Variants in CACNA1C observed in about 807,000 individuals in gnomAD.
The protein encoded by CACNA1C is calcium voltage-gated channel subunit alpha1 C.
CACNA1C carries 30 observed loss-of-function variants against 229.0 expected under a neutral mutation model. The ratio of observed to expected loss-of-function variants is 0.13; its 90% CI spans 0.10 to 0.18. The LOEUF is 0.18. Ranked by LOEUF, CACNA1C falls within the 10% of genes least tolerant of loss-of-function variation. The pLI is 1.00. For synonymous variants in CACNA1C, 1,114 were observed against 1,132.5 expected (o/e 0.98, Z 0.33); for missense variants, 1,658 against 2,845.0 (o/e 0.58, Z 9.49).
intron 1 of CACNA1C, among the ~76,000 whole-genome samples, chr12:2,068,858 G>C (rs1231042967): frequency 1.3e-5 from 2 of 152,204 alleles, no homozygotes; most frequent in African/African-American, 4.8e-5. Context: ...GCAACAAAAG[G>C]CTTTGGGATT....
Position 2,053,663 on chromosome 12 carries a change from T to C in CACNA1C, c.49+52T>C. ...GGGGCTCCCTGCCTTTTCCACCGGG[T>C]TCCTGCCCTACCCGCGCTCCCCGCG... On this transcript the variant is annotated intron_variant, in intron 1 of 46. Coordinates refer to ENST00000399655, the MANE Select transcript of CACNA1C (RefSeq NM_000719.7). This position sits in a 1 kb window ranked among gnomAD's most constrained non-coding sequence, Gnocchi z 5.8. The C allele has an allele frequency of 6.7e-7, 1 of 1,488,072 alleles. No homozygotes were observed. The highest frequency in any genetic ancestry group is 9.0e-7 in the Non-Finnish European group (1 of 1,115,008). The allele number at this position is 1,488,072 out of a possible 1,614,324, so 92.2% of individuals were successfully genotyped here.
At chr12:2,010,648 G>T (rs1290639503) in intron 1 of CACNA1C, among the ~76,000 whole-genome samples, 2 of 152,206 alleles carry the variant, frequency 1.3e-5, no homozygotes, top group East Asian at 3.9e-4. Context: ...AGCTCAGTGG[G>T]TCTAGAGGAT....
At chr12:2,022,547 G>A (rs1158592253) in intron 1 of CACNA1C, among the ~76,000 whole-genome samples, 2 of 151,282 alleles carry the variant, frequency 1.3e-5, no homozygotes, top group South Asian at 2.1e-4. Flanking sequence ...GGGTCCAAGT[G>A]GTCCTCCTGC....
intron 9 of CACNA1C, among the ~76,000 whole-genome samples, chr12:2,515,301 T>C (rs2154579988): frequency 6.6e-6 from 1 of 152,212 alleles, no homozygotes; most frequent in South Asian, 2.1e-4. Context: ...GAAGTCCAAT[T>C]AAAAGTAGAA....
At chr12:2,556,781 T>C (rs1224645757) in intron 10 of CACNA1C, among the ~76,000 whole-genome samples, 170 bp from the exon 11 acceptor site, 4 of 152,194 alleles carry the variant, frequency 2.6e-5, no homozygotes, top group African/African-American at 4.8e-5. Context: ...CACATTCAAA[T>C]ACATAAATAG....
Position 2,029,496 on chromosome 12 carries a change from A to C in CACNA1C, c.139+58295A>C, listed in dbSNP as rs1241930302. Among the ~76,000 whole-genome samples the C allele has an allele frequency of 6.6e-6, 1 of 152,032 alleles. No homozygotes were observed. The highest frequency in any genetic ancestry group is 2.4e-5 in the African/African-American group (1 of 41,392). ...GTCTCCGTGGATTTACCTATTCTGT[A>C]TTTTTCACAGAAATGGAATCATGCA... is the stretch of plus-strand genomic sequence containing the variant. On this transcript the variant is annotated intron_variant, in intron 1 of 46. Transcript: ENST00000682462. This position sits in a 1 kb window ranked among gnomAD's most constrained non-coding sequence, Gnocchi z 4.9.
In CACNA1C at chr12:2,607,148, G is replaced by A. The variant is rs1487042439; in HGVS notation, c.3356+18G>A. The A allele has an allele frequency of 1.2e-6, 2 of 1,602,422 alleles. No homozygotes were observed. The highest frequency in any genetic ancestry group is 1.1e-5 in the South Asian group (1 of 89,422). ...TGGCCAGAGTGAGTATGCAAAGCAA[G>A]GCCCCACGAGCCCTGACATTCAAGG... On this transcript the variant is annotated intron_variant, in intron 26 of 46. Coordinates refer to ENST00000399655, the MANE Select transcript of CACNA1C (RefSeq NM_000719.7).
chr12:2,137,680 A>G (rs2154186314), intron 3 of CACNA1C, among the ~76,000 whole-genome samples: 1 of 151,528 alleles, frequency 6.6e-6, no homozygotes, highest in Non-Finnish European at 1.5e-5. Flanking sequence ...ATTTGTCTCT[A>G]AAATACTTAC....
intron 1 of CACNA1C, chr12:1,997,858 C>T (rs1200781840): frequency 2.5e-6 from 3 of 1,206,414 alleles, no homozygotes; most frequent in Non-Finnish European, 3.6e-6. Flanking sequence ...ACTGCATGCA[C>T]TTGAAGAAGA....
intron 1 of CACNA1C, among the ~76,000 whole-genome samples, chr12:2,047,889 G>A (rs2051359481): frequency 6.6e-6 from 1 of 152,234 alleles, no homozygotes; most frequent in African/African-American, 2.4e-5. Flanking sequence ...CATGATGTGG[G>A]AGAGAGTGAG....
chr12:2,347,288 A>G (rs2097070208), intron 3 of CACNA1C, among the ~76,000 whole-genome samples: 1 of 152,220 alleles, frequency 6.6e-6, no homozygotes, highest in Non-Finnish European at 1.5e-5. Context: ...GAGATGTACC[A>G]GCACCCATGG....
chr12:2,109,953 G>A (rs1596116134), intron 1 of CACNA1C, among the ~76,000 whole-genome samples: 1 of 152,162 alleles, frequency 6.6e-6, no homozygotes, highest in East Asian at 1.9e-4. Context: ...ACCTTCACCT[G>A]TATCATGACA....
chr12:2,605,882 C>G lies in CACNA1C; in HGVS notation c.3156+96C>G. On this transcript the variant is annotated intron_variant, in intron 24 of 46. Coordinates refer to ENST00000399655, the MANE Select transcript of CACNA1C (RefSeq NM_000719.7). The surrounding 1 kb of genome is among the most constrained non-coding windows in gnomAD (Gnocchi z 6.2). ...AGATATAGTACAAACGAGACAGTGT[C>G]CTGAGCCAGACTTGGCTTGGATATA... is the stretch of plus-strand genomic sequence containing the variant. 3.4e-6 allele frequency: 3 copies of G among 869,794 alleles called. No homozygotes were observed. Among genetic ancestry groups the G allele is most frequent in the Admixed American group, 1.9e-5 (1 of 51,582 alleles). 53.9% of individuals were successfully genotyped at this position (869,794 alleles called of 1,614,324 possible). A position where few individuals can be genotyped will look rare whatever the true frequency, so the allele number is the denominator to read the frequency against.
intron 1 of CACNA1C, among the ~76,000 whole-genome samples, chr12:1,972,224 A>T (rs1225252899): frequency 6.6e-6 from 1 of 152,240 alleles, no homozygotes; most frequent in Non-Finnish European, 1.5e-5. Flanking sequence ...AAATTCCTTC[A>T]AACTCCACTC....
At chr12:2,612,161 A>G in intron 29 of CACNA1C, 148 bp downstream of exon 29, 1 of 617,326 alleles carries the variant, frequency 1.6e-6, no homozygotes, top group Non-Finnish European at 2.9e-6. Flanking sequence ...CAGTGCCCCA[A>G]CTCCTACACC....
At chr12:1,977,198 T>G (rs1011207054) in intron 1 of CACNA1C, among the ~76,000 whole-genome samples, 1 of 152,160 alleles carries the variant, frequency 6.6e-6, no homozygotes, top group Non-Finnish European at 1.5e-5. Flanking sequence ...TTGGAAGAGC[T>G]TTTATTCCTC....
intron 20 of CACNA1C, 104 bp downstream of exon 20, chr12:2,596,107 TG>T (rs2068046025): frequency 1.7e-6 from 2 of 1,170,244 alleles, no homozygotes; most frequent in South Asian, 3.4e-5. Flanking sequence ...CAATTCTAGG[TG>T]TCATAATTAG....
At chr12:2,204,915 C>A (rs2097708146) in intron 3 of CACNA1C, among the ~76,000 whole-genome samples, 1 of 146,806 alleles carries the variant, frequency 6.8e-6, no homozygotes, top group Non-Finnish European at 1.5e-5. Context: ...GCACAATGTG[C>A]ACATGTACCC....
chr12:2,347,671 T>C (rs2238074), intron 3 of CACNA1C, among the ~76,000 whole-genome samples: 31,489 of 152,184 alleles, frequency 0.21, 5,329 homozygotes, highest in African/African-American at 0.47. Flanking sequence ...CTTTGGGATT[T>C]GTGGGAGGGT....
Sources: allele counts gnomAD v4.1 joint callset (sites outside exome capture counted in the v4.1 genomes callset), GRCh38; gene constraint gnomAD v4.1.1; non-coding constraint Gnocchi (gnomAD v3.1); transcripts MANE v1.5; gene names NCBI Gene and HGNC (gene_info 2026-07-23, HGNC 2026-07-21).